Variants in FOXR1 observed in about 807,000 individuals in gnomAD.
FOXR1 encodes forkhead box protein R1.
FOXR1 carries 25 observed loss-of-function variants against 34.5 expected under a neutral mutation model. The observed-to-expected ratio is 0.72, with a 90% confidence interval of 0.53 to 1.01. The LOEUF (loss-of-function observed/expected upper bound fraction) is 1.01, where lower values mean the gene tolerates loss of function less well. FOXR1 is among the 50% of genes least tolerant of loss of function. FOXR1 has a pLI of 0.00. For synonymous variants in FOXR1, 153 were observed against 141.6 expected, an observed-to-expected ratio of 1.08 and a Z score of -0.57; for missense variants, 373 against 376.2, an observed-to-expected ratio of 0.99 and a Z score of 0.07.
chr11:118,979,441 G>C lies in FOXR1; in HGVS notation c.385-1G>C. On this transcript the variant is annotated splice_acceptor_variant, in intron 3 of 5. Coordinates refer to ENST00000317011, the MANE Select transcript of FOXR1 (RefSeq NM_181721.3). LOFTEE classifies it high-confidence loss of function. ...CCAGTTCCTACTCTGTGCTCCTCTA[G>C]CTCACAGAAGAGGAGGAGGCTGAGG... 1 of 1,604,914 alleles carries C rather than the reference G, an allele frequency of 6.2e-7. No homozygotes were observed. The highest frequency in any genetic ancestry group is 8.5e-7 in the Non-Finnish European group (1 of 1,175,450).
intron 1 of FOXR1, among the ~76,000 whole-genome samples, chr11:118,973,374 C>A (rs1184423235): frequency 1.3e-5 from 2 of 151,794 alleles, no homozygotes; most frequent in Non-Finnish European, 2.9e-5. Flanking sequence ...GAAGGAGACT[C>A]AGGAATAGGG....
chr11:118,977,885 G>A (rs1941798733), intron 1 of FOXR1, among the ~76,000 whole-genome samples: 1 of 152,018 alleles, frequency 6.6e-6, no homozygotes, highest in Non-Finnish European at 1.5e-5. Flanking sequence ...CCAGGGGTTC[G>A]AGACCAGCCC....
intron 1 of FOXR1, among the ~76,000 whole-genome samples, chr11:118,975,864 T>C (rs4938604): frequency 0.53 from 80,190 of 152,006 alleles, 21,771 homozygotes; most frequent in African/African-American, 0.61. Context: ...CACCCTTATT[T>C]AACTAACTTG....
chr11:118,973,860 A>C (rs1364571934), intron 1 of FOXR1, among the ~76,000 whole-genome samples: 1 of 151,742 alleles, frequency 6.6e-6, no homozygotes, highest in East Asian at 1.9e-4. Flanking sequence ...CACCCAGCTA[A>C]TTTTTATATT....
chr11:118,978,750 GT>G, intron 1 of FOXR1, 31 bp from the exon 2 acceptor site: 1 of 1,611,606 alleles, frequency 6.2e-7, no homozygotes, highest in South Asian at 1.1e-5. Flanking sequence ...ATTCTAGGAT[GT>G]TTTGACTCTC....
chr11:118,973,697 CTTTTTT>C (rs33940358), intron 1 of FOXR1, among the ~76,000 whole-genome samples: 2 of 137,084 alleles, frequency 1.5e-5, no homozygotes, highest in South Asian at 4.6e-4. Context: ...ACCCGGCCTT[CTTTTTT>C]TTTTTTTTGT....
In FOXR1 at chr11:118,972,005, T is replaced by G. The variant is rs1941709769; in HGVS notation, c.61+13T>G. The stretch of plus-strand genomic sequence containing the variant: ...GCGGAGCAGAAACGTGAGTAGCGGG[T>G]GGGGTGAGGTGGGGGGCTGGGCGTG... On this transcript the variant is annotated intron_variant, in intron 1 of 5. Transcript: ENST00000317011. 4 of 1,418,628 alleles carry G rather than the reference T, an allele frequency of 2.8e-6. No homozygotes were observed. Among genetic ancestry groups the G allele is most frequent in the Non-Finnish European group, 2.8e-6 (3 of 1,055,416 alleles). 87.9% of individuals were successfully genotyped at this position (1,418,628 alleles called of 1,614,324 possible). A position where few individuals can be genotyped will look rare whatever the true frequency, so the allele number is the denominator to read the frequency against.
chr11:118,974,595 GC>G (rs1264213002), intron 1 of FOXR1, among the ~76,000 whole-genome samples: 2 of 152,154 alleles, frequency 1.3e-5, no homozygotes, highest in Non-Finnish European at 2.9e-5. Context: ...TCAACGAGGA[GC>G]CTCATGTTTT....
At position 118,980,696 on chromosome 11, in the gene FOXR1, T is replaced by C. The variant is rs782339982; in HGVS notation, c.818T>C (p.Leu273Pro). 1 of 1,613,740 alleles carries C rather than the reference T, an allele frequency of 6.2e-7. No homozygotes were observed. The highest frequency in any genetic ancestry group is 8.5e-7 in the Non-Finnish European group (1 of 1,180,028). ...EEARALASTR[L>P]ESIQQCMSQP... is the part of the protein sequence containing the mutation. ...GCCCGCGCCTTGGCTTCCACTCGGCTAGAAAGTATCCAACAGTGCATGAGC... is the reference window on the plus strand; with the variant it reads ...GCCCGCGCCTTGGCTTCCACTCGGCCAGAAAGTATCCAACAGTGCATGAGC... Residue 273 changes from leucine to proline, a missense_variant, in exon 5 of 6, where the codon CTA becomes CCA. By Grantham distance (98) the Leu-to-Pro change is moderately conservative (BLOSUM62 -3). Transcript: ENST00000317011.
chr11:118,972,131 C>CG (rs1941714500), intron 1 of FOXR1, 139 bp downstream of exon 1: 1 of 430,594 alleles, frequency 2.3e-6, no homozygotes, highest in Non-Finnish European at 3.5e-6. Context: ...CGCCCCGCGC[C>CG]CCCCCCCCCC....
chr11:118,979,584 T>C lies in FOXR1; in HGVS notation c.527T>C (p.Leu176Pro). 6.2e-7 allele frequency: 1 copy of C among 1,612,720 alleles called. No individual in the cohort carries two copies. ...GGGAGGCTCTGGTCCCGGCCCCCTC[T>C]CAATTACTTCCACCTAATTGCCCTG... ...QAGRLWSRPP[L>P]NYFHLIALAL... is the part of the protein sequence containing the mutation. Residue 176 changes from leucine to proline, a missense_variant, in exon 4 of 6, where the codon CTC (leucine) becomes CCC (proline). Physicochemically the swap from Leu to Pro is moderately conservative, Grantham distance 98 (BLOSUM62 -3). Transcript: ENST00000317011.
chr11:118,972,052 C>A, intron 1 of FOXR1, 60 bp downstream of exon 1: 1 of 1,367,746 alleles, frequency 7.3e-7, no homozygotes, highest in Non-Finnish European at 9.6e-7. Flanking sequence ...CCTAGGGGCT[C>A]GCGGGACCCC....
chr11:118,972,322 G>C (rs1370300208), intron 1 of FOXR1, among the ~76,000 whole-genome samples: 1 of 151,910 alleles, frequency 6.6e-6, no homozygotes, highest in Non-Finnish European at 1.5e-5. Context: ...ACATTCCAAG[G>C]CCTCTTCTGG....
chr11:118,981,031 G>A (rs1158975300), intron 5 of FOXR1, among the ~76,000 whole-genome samples, 177 bp from the exon 6 acceptor site: 1 of 152,188 alleles, frequency 6.6e-6, no homozygotes, highest in Non-Finnish European at 1.5e-5. Context: ...AGTTAATAGA[G>A]GTTATGTACA....
rs539584202 is a variant in FOXR1 at position 118,975,741 on chromosome 11, GA to G, written c.62-3040del. Among the ~76,000 whole-genome samples the G allele has an allele frequency of 2.0e-5, 3 of 152,254 alleles. No homozygotes were observed. In the South Asian group the frequency reaches 6.2e-4, roughly 32 times the overall value. ...ACAACATCCTTGAAAAAGCATGGGG[GA>G]TCTGTGCCAAAGAGAGACACAGACA... On this transcript the variant is annotated intron_variant, in intron 1 of 5. Coordinates refer to ENST00000317011, the MANE Select transcript of FOXR1 (RefSeq NM_181721.3).
chr11:118,981,132 CTA>C (rs1395318291), intron 5 of FOXR1, 74 bp from the exon 6 acceptor site: 67 of 1,431,604 alleles, frequency 4.7e-5, no homozygotes, highest in Non-Finnish European at 6.0e-5. Context: ...AGATGACCTG[CTA>C]TGAGAGAGCA....
chr11:118,980,263 G>A, intron 4 of FOXR1: 1 of 685,238 alleles, frequency 1.5e-6, no homozygotes. Flanking sequence ...TGTTCATGCT[G>A]TGGTCCAAGC....
intron 1 of FOXR1, among the ~76,000 whole-genome samples, chr11:118,974,370 A>AG (rs1941753122): frequency 6.6e-6 from 1 of 152,078 alleles, no homozygotes; most frequent in Non-Finnish European, 1.5e-5. Context: ...ACACTGGCTA[A>AG]CTTTTTTACT....
intron 2 of FOXR1, 34 bp downstream of exon 2, chr11:118,978,890 C>T: frequency 6.2e-7 from 1 of 1,614,156 alleles, no homozygotes; most frequent in Non-Finnish European, 8.5e-7. Context: ...GTTTCTGTGG[C>T]CTGGGCTGGA....
Sources: allele counts gnomAD v4.1 joint callset (sites outside exome capture counted in the v4.1 genomes callset), GRCh38; gene constraint gnomAD v4.1.1; transcripts MANE v1.5; gene names NCBI Gene and HGNC (gene_info 2026-07-23, HGNC 2026-07-21).